The following DCST2 variants were observed in gnomAD, a reference collection of about 807,000 sequenced individuals.
The protein encoded by DCST2 is DC-STAMP domain-containing protein 2.
DCST2 carries 64 observed loss-of-function variants against 81.8 expected under a neutral mutation model. The ratio of observed to expected loss-of-function variants is 0.78; its 90% CI spans 0.64 to 0.96. The LOEUF (loss-of-function observed/expected upper bound fraction) is 0.96, where lower values mean the gene tolerates loss of function less well. DCST2 is among the 40% of genes least tolerant of loss of function. DCST2 has a pLI of 0.00. For missense variants in DCST2, 945 were observed against 1,001.4 expected, an observed-to-expected ratio of 0.94 and a Z score of 0.76; for synonymous variants, 354 against 402.6, an observed-to-expected ratio of 0.88 and a Z score of 1.44.
At chr1:155,031,515 T>TCCCCCCCCCC in intron 4 of DCST2, 59 bp downstream of exon 4, 5 of 643,122 alleles carry the variant, frequency 7.8e-6, no homozygotes, top group South Asian at 5.7e-5. Flanking sequence ...ACCCCCACAT[T>TCCCCCCCCCC]CCCACCCCAC....
intron 12 of DCST2, 119 bp downstream of exon 12, chr1:155,023,713 G>C: frequency 6.3e-7 from 1 of 1,578,406 alleles, no homozygotes; most frequent in Non-Finnish European, 8.6e-7. Context: ...TAGTAATGAA[G>C]GGAGGGGCAC....
chr1:155,032,986 C>A (rs1660145189), intron 2 of DCST2, 108 bp downstream of exon 2: 1 of 1,303,294 alleles, frequency 7.7e-7, no homozygotes, highest in Non-Finnish European at 1.0e-6. Flanking sequence ...GGCCCAGATG[C>A]TCCGCGATTA....
At chr1:155,031,532 C>CCACAT in intron 4 of DCST2, 42 bp downstream of exon 4, 2 of 1,545,068 alleles carry the variant, frequency 1.3e-6, no homozygotes, top group Non-Finnish European at 1.8e-6. Flanking sequence ...CCACCCCACC[C>CCACAT]CACATCGGCT....
chr1:155,024,003 C>T (rs895166324), intron 11 of DCST2, 44 bp from the exon 12 acceptor site: 2 of 1,590,826 alleles, frequency 1.3e-6, no homozygotes, highest in African/African-American at 2.7e-5. Flanking sequence ...GCCCAGCCAG[C>T]TTAACCCTCC....
At chr1:155,028,805 G>A (rs150138294) in intron 8 of DCST2, among the ~76,000 whole-genome samples, 4,724 of 149,430 alleles carry the variant, frequency 0.032, 120 homozygotes, top group Non-Finnish European at 0.041. Flanking sequence ...CCTGGGAGGC[G>A]GAGGCAGTGA....
rs1431970595 is a variant in DCST2, at chr1:155,023,460, G to C, written c.1871-3C>G. ...GAAGCAAGTGAGGCAGTAGAGACCT[G>C]GTGGAGGCCATGGGGAATGGAGGTG... On this transcript the variant is annotated splice_region_variant and splice_polypyrimidine_tract_variant and intron_variant, in intron 12 of 14. Transcript: ENST00000368424. 3 of 1,586,564 alleles carry C rather than the reference G, an allele frequency of 1.9e-6. No homozygotes were observed. In the South Asian group the frequency reaches 3.4e-5, roughly 18 times the overall value.
chr1:155,028,565 C>T (rs1033110842), intron 8 of DCST2, among the ~76,000 whole-genome samples: 1 of 143,862 alleles, frequency 7.0e-6, no homozygotes, highest in East Asian at 2.1e-4. Flanking sequence ...GCCTGGGTGA[C>T]AGAGTGAGAC....
Position 155,026,630 on chromosome 1 carries a change from C to A in DCST2, c.1428G>T (p.Leu476=), listed in dbSNP as rs1659919352. The A allele has an allele frequency of 6.2e-7, 1 of 1,614,224 alleles. No homozygotes were observed. Among genetic ancestry groups the A allele is most frequent in the African/African-American group, 1.3e-5 (1 of 75,058 alleles). The change falls in exon 9 of 15, where the codon CTG becomes CTT. Residue 476 remains leucine (L), a synonymous_variant. Coordinates refer to ENST00000368424, the MANE Select transcript of DCST2 (RefSeq NM_144622.3). ...ACAAAATACTGATGTTGCCTTGCTG[C>A]AGGACATCAAATGCTGACACCAGGT... ...YRDLVSAFDV[L]QQGNISILSR...
At chr1:155,021,617 C>A (rs868766127) in intron 14 of DCST2, among the ~76,000 whole-genome samples, 4 of 151,870 alleles carry the variant, frequency 2.6e-5, no homozygotes, top group Admixed American at 6.6e-5. Flanking sequence ...TTTCTAACTG[C>A]CCCCCTGGGC....
intron 5 of DCST2, 43 bp from the exon 6 acceptor site, chr1:155,030,688 A>G (rs765942426): frequency 6.2e-7 from 1 of 1,607,410 alleles, no homozygotes; most frequent in South Asian, 1.1e-5. Flanking sequence ...AAGGAGAGTT[A>G]GGAGAGGGTG....
At chr1:155,030,689 G>C (rs751189152) in intron 5 of DCST2, 44 bp from the exon 6 acceptor site, 4 of 1,604,540 alleles carry the variant, frequency 2.5e-6, no homozygotes, top group Non-Finnish European at 3.4e-6. Context: ...AGGAGAGTTA[G>C]GAGAGGGTGG....
At chr1:155,023,794 T>C (rs373026068) in intron 12 of DCST2, 38 bp downstream of exon 12, 114 of 1,610,138 alleles carry the variant, frequency 7.1e-5, no homozygotes, top group Non-Finnish European at 8.0e-5. Flanking sequence ...GTGGGGTAAG[T>C]CCGAGCAGGG....
Position 155,018,633 on chromosome 1 carries a change from T to A in DCST2, c.2233A>T (p.Thr745Ser). Reference sequence around the variant, plus strand: ...GAAGCTGGAGTGGGGGCTCCTTTAGTGGCGGAGGATGTCTCAGGTGGTCTG... The same window carrying A: ...GAAGCTGGAGTGGGGGCTCCTTTAGAGGCGGAGGATGTCTCAGGTGGTCTG... The part of the protein sequence containing the change: ...PHRPPETSSA[T>S]KGAPTPASEP... The change falls in exon 15 of 15, where the codon ACT becomes TCT. Residue 745 changes from threonine (T) to serine (S), a missense_variant. Transcript: ENST00000368424. 6.2e-7 allele frequency: 1 copy of A among 1,613,528 alleles called. No homozygotes were observed. Among genetic ancestry groups the A allele is most frequent in the South Asian group, 1.1e-5 (1 of 91,046 alleles).
At chr1:155,030,888 T>C (rs1360320372) in intron 5 of DCST2, 6 of 606,394 alleles carry the variant, frequency 9.9e-6, no homozygotes, top group Non-Finnish European at 1.8e-5. Context: ...TAAGGAATGA[T>C]CTTGATGACC....
chr1:155,033,178 C>T lies in DCST2; in HGVS notation c.355G>A (p.Ala119Thr), dbSNP rs752149567. 6.2e-7 allele frequency: 1 copy of T among 1,613,102 alleles called. No individual in the cohort carries two copies. The highest frequency in any genetic ancestry group is 8.5e-7 in the Non-Finnish European group (1 of 1,179,684). The change falls in exon 2 of 15, where the codon GCC becomes ACC. Residue 119 changes from alanine (A) to threonine (T), a missense_variant. Coordinates refer to ENST00000368424, the MANE Select transcript of DCST2 (RefSeq NM_144622.3). ...GCCCCACAGGCTACAGCCTCGCTGGCCCGGGTGAAGTTGCGTAGAGTGTTG... is the reference window on the plus strand; with the variant it reads ...GCCCCACAGGCTACAGCCTCGCTGGTCCGGGTGAAGTTGCGTAGAGTGTTG... ...CANTLRNFTR[A>T]SEAVACGAEL...
At chr1:155,028,037 G>A (rs1659961863) in intron 8 of DCST2, among the ~76,000 whole-genome samples, 1 of 151,968 alleles carries the variant, frequency 6.6e-6, no homozygotes, top group Non-Finnish European at 1.5e-5. Context: ...TGATTTTCCT[G>A]CCTCAGCCTC....
chr1:155,026,246 T>C (rs1328095943), intron 10 of DCST2, 56 bp downstream of exon 10: 1 of 1,575,260 alleles, frequency 6.3e-7, no homozygotes, highest in Non-Finnish European at 8.7e-7. Flanking sequence ...AGCCAGCCAC[T>C]AGCTAAGCCC....
At position 155,023,839 on chromosome 1, in the gene DCST2, G is replaced by GC. The variant is rs750305786; in HGVS notation, c.1862dup (p.Cys622LeufsTer39). 1.2e-6 allele frequency: 2 copies of GC among 1,613,584 alleles called. No homozygotes were observed. Among genetic ancestry groups the GC allele is most frequent in the Middle Eastern group, 1.7e-4 (1 of 6,058 alleles). On this transcript the variant is annotated frameshift_variant, in exon 12 of 15. Coordinates refer to ENST00000368424, the MANE Select transcript of DCST2 (RefSeq NM_144622.3). LOFTEE classifies it high-confidence loss of function. ...CGCCCCAGGGGGTCTCACCTTGGCA[G>GC]CCGGGGGTACTGCAGGACACAGTGT...
chr1:155,029,495 G>T, intron 7 of DCST2, 98 bp from the exon 8 acceptor site: 1 of 1,174,464 alleles, frequency 8.5e-7, no homozygotes, highest in Non-Finnish European at 1.2e-6. Flanking sequence ...TCAGGTGTGG[G>T]CCCGTCTGCT....
Sources: gnomAD v4.1 joint callset for allele counts (sites outside exome capture counted in the v4.1 genomes callset) on GRCh38, gnomAD v4.1.1 for gene constraint, MANE v1.5 for transcripts, NCBI Gene and HGNC (gene_info 2026-07-23, HGNC 2026-07-21) for gene names.